The following MAPKBP1 variants were observed in gnomAD, a reference collection of about 807,000 sequenced individuals.
The protein encoded by MAPKBP1 is mitogen-activated protein kinase-binding protein 1.
Under a neutral mutation model 170.5 loss-of-function variants are expected in MAPKBP1, and 71 were observed. That is an observed-to-expected ratio of 0.42 (90% CI 0.34 to 0.51). The LOEUF (loss-of-function observed/expected upper bound fraction) is 0.51, where lower values mean the gene tolerates loss of function less well. MAPKBP1 is among the 20% of genes least tolerant of loss of function. MAPKBP1 has a pLI of 0.06. For synonymous variants in MAPKBP1, 719 were observed against 757.9 expected (o/e 0.95, Z 0.84); for missense variants, 1,598 against 1,933.0 (o/e 0.83, Z 3.25).
At chr15:41,776,581 A>G (rs1402369760) in intron 2 of MAPKBP1, among the ~76,000 whole-genome samples, 1 of 152,190 alleles carries the variant, frequency 6.6e-6, no homozygotes, top group Non-Finnish European at 1.5e-5. Context: ...AGAAGCCTGA[A>G]ATGTAGAAAT....
intron 2 of MAPKBP1, among the ~76,000 whole-genome samples, chr15:41,779,995 T>C (rs964072886): frequency 2.0e-5 from 3 of 152,198 alleles, no homozygotes; most frequent in South Asian, 4.1e-4. Context: ...GCCTTCAAAG[T>C]GATTCTCACT....
At chr15:41,790,493 C>G (rs1295514516) in intron 2 of MAPKBP1, among the ~76,000 whole-genome samples, 1 of 152,114 alleles carries the variant, frequency 6.6e-6, no homozygotes, top group East Asian at 1.9e-4. Flanking sequence ...CTTCTTGTCC[C>G]CAGGGGCTGT....
chr15:41,811,099 C>A, intron 4 of MAPKBP1, 79 bp from the exon 5 acceptor site: 2 of 1,576,354 alleles, frequency 1.3e-6, no homozygotes, highest in South Asian at 1.1e-5. Context: ...CTGCTGGTCT[C>A]ACCTTTTGAG....
chr15:41,783,616 T>A (rs2064227517), intron 2 of MAPKBP1, among the ~76,000 whole-genome samples: 1 of 152,234 alleles, frequency 6.6e-6, no homozygotes, highest in Non-Finnish European at 1.5e-5. Context: ...TCTGCTTCCC[T>A]GTACTCCCTC....
intron 12 of MAPKBP1, 95 bp downstream of exon 12, chr15:41,815,894 C>T (rs2064882907): frequency 4.0e-6 from 5 of 1,245,060 alleles, no homozygotes; most frequent in Non-Finnish European, 5.6e-6. Flanking sequence ...AAAGATTGGG[C>T]AACAAGATAC....
chr15:41,811,625 G>A (rs1009591917), intron 5 of MAPKBP1: 2 of 614,498 alleles, frequency 3.3e-6, no homozygotes, highest in Admixed American at 4.2e-5. Context: ...CTGTCCTGGC[G>A]GCGTAGTCTT....
intron 3 of MAPKBP1, among the ~76,000 whole-genome samples, chr15:41,809,781 CA>C (rs1050103960): frequency 9.2e-5 from 14 of 152,258 alleles, no homozygotes; most frequent in Non-Finnish European, 1.8e-4. Context: ...TCTGGAAAGG[CA>C]GGACCTGATT....
At position 41,824,588 on chromosome 15, in the gene MAPKBP1, C is replaced by T. The variant is rs978457137; in HGVS notation, c.4299+19C>T. On this transcript the variant is annotated intron_variant, in intron 30 of 30. Coordinates refer to ENST00000457542, the MANE Select transcript of MAPKBP1 (RefSeq NM_014994.3). ...CCACTCGGTGGGTGTTAGGTGCCCC[C>T]CGGCAGGAAGGCGGGCACGTCAGTA... 4 of 1,577,018 alleles carry T rather than the reference C, an allele frequency of 2.5e-6. No individual in the cohort carries two copies. The highest frequency in any genetic ancestry group is 2.6e-6 in the Non-Finnish European group (3 of 1,164,126).
At chr15:41,812,434 T>G in intron 6 of MAPKBP1, 82 bp from the exon 7 acceptor site, 1 of 1,568,830 alleles carries the variant, frequency 6.4e-7, no homozygotes, top group South Asian at 1.1e-5. Flanking sequence ...GTACAAATTC[T>G]AATTCTCCTC....
intron 9 of MAPKBP1, 29 bp downstream of exon 9, chr15:41,813,810 T>C: frequency 6.4e-7 from 1 of 1,557,250 alleles, no homozygotes; most frequent in African/African-American, 1.4e-5. Flanking sequence ...CCTTCCTCCA[T>C]TTGTAGCCTT....
rs536909937 is a variant in MAPKBP1, at chr15:41,807,477, G to A, written c.207-3406G>A. Among the ~76,000 whole-genome samples, 4 of 152,284 alleles carry A rather than the reference G, an allele frequency of 2.6e-5. No individual in the cohort carries two copies. The East Asian group carries it at 7.7e-4, about 29-fold the overall frequency. On this transcript the variant is annotated intron_variant, in intron 3 of 30. Transcript: ENST00000457542. ...AATATGGTTGGCTGGATTATGCATC[G>A]AGTCAATTCAATTAGATCAACTCTC...
chr15:41,783,263 A>T (rs1199493226), intron 2 of MAPKBP1, among the ~76,000 whole-genome samples: 2 of 151,964 alleles, frequency 1.3e-5, no homozygotes, highest in Non-Finnish European at 1.5e-5. Context: ...TCTGAATTCC[A>T]CTGTTTTGTT....
At chr15:41,799,480 C>G (rs2064553221) in intron 2 of MAPKBP1, among the ~76,000 whole-genome samples, 1 of 152,168 alleles carries the variant, frequency 6.6e-6, no homozygotes, top group Non-Finnish European at 1.5e-5. Context: ...AGAGTCTAGT[C>G]TGGGGATCCC....
chr15:41,808,200 G>A (rs1468518245), intron 3 of MAPKBP1, among the ~76,000 whole-genome samples: 3 of 147,058 alleles, frequency 2.0e-5, no homozygotes, highest in Non-Finnish European at 4.5e-5. Flanking sequence ...TCCGCCTCCT[G>A]GGTTCACGCC....
chr15:41,807,077 C>CTG (rs763822109), intron 3 of MAPKBP1, among the ~76,000 whole-genome samples: 5 of 152,216 alleles, frequency 3.3e-5, no homozygotes, highest in Non-Finnish European at 7.3e-5. Context: ...GGGATGACCT[C>CTG]TGTGTGTTTC....
At chr15:41,799,466 C>G (rs886986222) in intron 2 of MAPKBP1, among the ~76,000 whole-genome samples, 2 of 152,148 alleles carry the variant, frequency 1.3e-5, no homozygotes, top group African/African-American at 4.8e-5. Context: ...GTCTCACAGA[C>G]CCAAGAGTCT....
In MAPKBP1 at chr15:41,822,925, T is replaced by C. The variant is rs1471388882; in HGVS notation, c.3315-14T>C. ...AGCCTTCTCTGGGCCTTCTCCCACA[T>C]GTTCTCCCTGTAGGGAACCATCCCC... is the stretch of plus-strand genomic sequence containing the variant. On this transcript the variant is annotated splice_polypyrimidine_tract_variant and intron_variant, in intron 27 of 30. Transcript: ENST00000457542. 1.3e-6 allele frequency: 2 copies of C among 1,590,482 alleles called. No individual in the cohort carries two copies. The highest frequency in any genetic ancestry group is 1.7e-4 in the Middle Eastern group (1 of 5,966).
In MAPKBP1 at chr15:41,824,623, G is replaced by C. The variant is rs2065059666; in HGVS notation, c.4299+54G>C. ...GGCGGGCACGTCAGTAGTGCTGGGT[G>C]TTTCGGATAACCATGTCCAGAACAG... On this transcript the variant is annotated intron_variant, in intron 30 of 30. Transcript: ENST00000457542. 6.7e-6 allele frequency: 10 copies of C among 1,485,886 alleles called. 1 individual carries two copies. The highest frequency in any genetic ancestry group is 4.8e-5 in the South Asian group (4 of 82,682). 92.0% of individuals were successfully genotyped at this position (1,485,886 alleles called of 1,614,324 possible).
At chr15:41,777,829 T>A (rs2064123180) in intron 2 of MAPKBP1, among the ~76,000 whole-genome samples, 1 of 152,214 alleles carries the variant, frequency 6.6e-6, no homozygotes, top group Non-Finnish European at 1.5e-5. Context: ...AATTCTCAAA[T>A]AAAATTTGAA....
Sources: allele counts gnomAD v4.1 joint callset (sites outside exome capture counted in the v4.1 genomes callset), GRCh38; gene constraint gnomAD v4.1.1; transcripts MANE v1.5; gene names NCBI Gene and HGNC (gene_info 2026-07-23, HGNC 2026-07-21).